The following ATRN variants were observed in gnomAD, a reference collection of about 807,000 sequenced individuals.
The protein encoded by ATRN is attractin-2.
In ATRN, 54 loss-of-function variants were observed where a neutral mutation model predicts 178.7. That is an observed-to-expected ratio of 0.30 (90% CI 0.24 to 0.38). The LOEUF (loss-of-function observed/expected upper bound fraction) is 0.38, where lower values mean the gene tolerates loss of function less well. Ranked by LOEUF, ATRN falls within the 10% of genes least tolerant of loss-of-function variation. The pLI, the probability that ATRN is intolerant of heterozygous loss-of-function variation, is 1.00. For synonymous variants in ATRN, 636 were observed against 663.0 expected, an observed-to-expected ratio of 0.96 and a Z score of 0.63; for missense variants, 1,443 against 1,815.1, an observed-to-expected ratio of 0.79 and a Z score of 3.73.
chr20:3,536,036 G>A (rs116117620), intron 2 of ATRN, among the ~76,000 whole-genome samples: 1,862 of 152,152 alleles, frequency 0.012, 35 homozygotes, highest in African/African-American at 0.043. Flanking sequence ...TGTAATAACT[G>A]TTATTGCCTA....
Position 3,485,362 on chromosome 20 carries a change from A to G in ATRN, c.410+13845A>G, listed in dbSNP as rs140217159. Among the ~76,000 whole-genome samples the G allele has an allele frequency of 7.7e-4, 117 of 152,210 alleles. 1 individual carries two copies. The highest frequency in any genetic ancestry group is 2.6e-3 in the African/African-American group (108 of 41,534). ...TAGTTCATGTTGTTGAATATTATCAATGTAGGACATTGTTGAATGGTCTTG... is the reference window on the plus strand; with the variant it reads ...TAGTTCATGTTGTTGAATATTATCAGTGTAGGACATTGTTGAATGGTCTTG... On this transcript the variant is annotated intron_variant, in intron 1 of 28. Transcript: ENST00000262919.
rs2085978817 is a variant in ATRN, at chr20:3,563,191, T to C, written c.1632-18T>C. Reference sequence around the variant, plus strand: ...AAAAACTAACCTTGTATTTATTATTTCTAAATAAACTCAAAAGGACCATTC... The same window carrying C: ...AAAAACTAACCTTGTATTTATTATTCCTAAATAAACTCAAAAGGACCATTC... On this transcript the variant is annotated intron_variant, in intron 9 of 28. Coordinates refer to ENST00000262919, the MANE Select transcript of ATRN (RefSeq NM_139321.3). 6.3e-7 allele frequency: 1 copy of C among 1,594,358 alleles called. No homozygotes were observed. Among genetic ancestry groups the C allele is most frequent in the East Asian group, 2.2e-5 (1 of 44,622 alleles).
chr20:3,607,562 T>C (rs2146295278), intron 24 of ATRN, among the ~76,000 whole-genome samples: 1 of 152,372 alleles, frequency 6.6e-6, no homozygotes, highest in Admixed American at 6.5e-5. Context: ...TCCATTCTTT[T>C]TGTGACTGAA....
At chr20:3,560,533 G>A in intron 7 of ATRN, 129 bp from the exon 8 acceptor site, 1 of 739,898 alleles carries the variant, frequency 1.4e-6, no homozygotes, top group Non-Finnish European at 2.2e-6. Context: ...GGATCATAGG[G>A]TAGTTCTATT....
intron 6 of ATRN, among the ~76,000 whole-genome samples, chr20:3,555,446 T>C (rs942108133): frequency 2.6e-5 from 4 of 152,126 alleles, no homozygotes; most frequent in African/African-American, 9.7e-5. Flanking sequence ...ACATAGTTGC[T>C]GGGGAGGATC....
intron 1 of ATRN, among the ~76,000 whole-genome samples, chr20:3,526,488 A>G (rs895507009): frequency 2.6e-5 from 4 of 152,232 alleles, no homozygotes; most frequent in East Asian, 3.8e-4. Context: ...AAGAGTCAAT[A>G]TAGTGAAAAT....
chr20:3,584,611 C>T, intron 17 of ATRN, 36 bp from the exon 18 acceptor site: 1 of 1,479,416 alleles, frequency 6.8e-7, no homozygotes, highest in Non-Finnish European at 9.3e-7. Context: ...TCAGATCTAC[C>T]TGTGATAGTC....
chr20:3,577,271 C>T (rs2086225810), intron 14 of ATRN, among the ~76,000 whole-genome samples: 1 of 152,196 alleles, frequency 6.6e-6, no homozygotes, highest in Non-Finnish European at 1.5e-5. Flanking sequence ...TGCTCCTTGT[C>T]TCTTTCCCAT....
At position 3,516,477 on chromosome 20, in the gene ATRN, A is replaced by G. The variant is rs552726089; in HGVS notation, c.411-18776A>G. 6.6e-5 allele frequency among the ~76,000 whole-genome samples: 10 copies of G among 152,350 alleles called. No individual in the cohort carries two copies. The East Asian group carries it at 1.9e-3, about 29-fold the overall frequency. On this transcript the variant is annotated intron_variant, in intron 1 of 28. Transcript: ENST00000262919. ...TAAACTGTGGCATGCCATAGATTTT[A>G]TAATATATCCTGATTTCTGAGCTAT...
chr20:3,514,102 G>A (rs898200164), intron 1 of ATRN, among the ~76,000 whole-genome samples: 15 of 152,126 alleles, frequency 9.9e-5, no homozygotes, highest in Non-Finnish European at 2.2e-4. Context: ...CTTCTGTGTC[G>A]CTCATGCTGG....
Sources: gnomAD v4.1 joint callset for allele counts (sites outside exome capture counted in the v4.1 genomes callset) on GRCh38, gnomAD v4.1.1 for gene constraint, MANE v1.5 for transcripts, NCBI Gene and HGNC (gene_info 2026-07-23, HGNC 2026-07-21) for gene names.